The following PCDH11X variants were observed in gnomAD, a reference collection of about 807,000 sequenced individuals.
PCDH11X encodes the protein protocadherin-11 X-linked.
PCDH11X carries 18 observed loss-of-function variants against 53.3 expected under a neutral mutation model. That is an observed-to-expected ratio of 0.34 (90% CI 0.23 to 0.50). The LOEUF is 0.50. Among genes scored for constraint, PCDH11X ranks in the 20% least tolerant of loss-of-function variants. PCDH11X has a pLI of 0.98. For synonymous variants in PCDH11X, 279 were observed against 393.3 expected (o/e 0.71, Z 3.44); for missense variants, 570 against 1,032.4 (o/e 0.55, Z 6.14).
chrX:91,953,158 A>G (rs760649792), intron 6 of PCDH11X, among the ~76,000 whole-genome samples: 9 of 110,037 alleles, frequency 8.2e-5, no homozygotes, highest in African/African-American at 2.7e-4. Flanking sequence ...ACTATAGTCA[A>G]TAATAATTAT....
chrX:92,230,760 G>A (rs2067061818), intron 7 of PCDH11X, among the ~76,000 whole-genome samples: 1 of 107,039 alleles, frequency 9.3e-6, no homozygotes, highest in Admixed American at 1.1e-4. Context: ...AAAAGACCAC[G>A]GAAAGAGGTT....
chrX:92,184,306 C>T (rs1285528610), intron 6 of PCDH11X, among the ~76,000 whole-genome samples: 1 of 111,970 alleles, frequency 8.9e-6, no homozygotes, highest in Non-Finnish European at 1.9e-5. Context: ...CATTTCAAGA[C>T]TGTGGTTGCA....
intron 9 of PCDH11X, among the ~76,000 whole-genome samples, chrX:92,453,512 G>A (rs774592851): frequency 9.0e-5 from 10 of 110,771 alleles, no homozygotes; most frequent in South Asian, 3.8e-4. Context: ...TTTGACACAA[G>A]AAATGCTATC....
At chrX:92,332,727 CAGCAGCAGCAGCAGCAAT>C (rs1286225533) in intron 8 of PCDH11X, among the ~76,000 whole-genome samples, 3 of 111,427 alleles carry the variant, frequency 2.7e-5, no homozygotes, top group East Asian at 5.7e-4. Flanking sequence ...AAAACAGCAG[CAGCAGCAGCAGCAGCAAT>C]AGCAGCAGCA....
intron 5 of PCDH11X, among the ~76,000 whole-genome samples, chrX:91,866,637 CT>C (rs1363626135): frequency 2.6e-4 from 27 of 105,826 alleles, no homozygotes; most frequent in East Asian, 2.1e-3. Flanking sequence ...GGTGATTCAA[CT>C]TTTTTTTTTT....
At chrX:92,551,889 T>G (rs930002467) in intron 10 of PCDH11X, among the ~76,000 whole-genome samples, 4 of 105,454 alleles carry the variant, frequency 3.8e-5, no homozygotes, top group African/African-American at 1.4e-4. Flanking sequence ...GGTTCTCTAT[T>G]CTGTTCCATT....
In PCDH11X at chrX:91,790,910, T is replaced by A. The variant is rs1602819200; in HGVS notation, c.-379+11226T>A. On this transcript the variant is annotated intron_variant, in intron 1 of 10. Coordinates refer to ENST00000682573, the MANE Select transcript of PCDH11X (RefSeq NM_032968.5). ...GTTCTAGCAGGGTTAGGAAAACAAC[T>A]GAAAGTTTTCACTTCAGCGTTGGAA... Among the ~76,000 whole-genome samples, 3 of 107,194 alleles carry A rather than the reference T, an allele frequency of 2.8e-5. No homozygotes were observed. The South Asian group carries it at 1.3e-3, about 46-fold the overall frequency. The allele number at this position is 107,194 out of a possible 115,157, so 93.1% of individuals were successfully genotyped here.
chrX:91,884,019 G>A lies in PCDH11X; in HGVS notation c.3033+4746G>A, dbSNP rs192054902. The stretch of plus-strand genomic sequence containing the variant: ...AGTCTGGCCAACATGGCGAAACCCC[G>A]TCTCTTCTGAAAAATACAAAAATTA... On this transcript the variant is annotated intron_variant, in intron 6 of 10. Transcript: ENST00000682573. The A allele has an allele frequency of 3.5e-3, 1,521 of 428,574 alleles. 21 individuals carry two copies. Among genetic ancestry groups the A allele is most frequent in the African/African-American group, 0.035 (1,190 of 33,878 alleles). 35.3% of individuals were successfully genotyped at this position (428,574 alleles called of 1,213,427 possible).
chrX:92,435,829 A>T (rs1216839708), intron 9 of PCDH11X, among the ~76,000 whole-genome samples: 1 of 111,303 alleles, frequency 9.0e-6, no homozygotes, highest in Admixed American at 9.6e-5. Context: ...AGCCTATATA[A>T]AAACACACTT....
intron 6 of PCDH11X, among the ~76,000 whole-genome samples, chrX:92,038,380 A>G (rs915528469): frequency 6.3e-5 from 7 of 110,444 alleles, no homozygotes; most frequent in Non-Finnish European, 1.3e-4. Context: ...AGCTCCAGCC[A>G]TGGCTGAAAA....
At chrX:92,119,200 G>A (rs1383040461) in intron 6 of PCDH11X, among the ~76,000 whole-genome samples, 1 of 110,172 alleles carries the variant, frequency 9.1e-6, no homozygotes, top group Non-Finnish European at 1.9e-5. Flanking sequence ...CCACATCCCA[G>A]GCTCAAGCAA....
At chrX:92,161,294 C>T (rs1362406855) in intron 6 of PCDH11X, among the ~76,000 whole-genome samples, 1 of 111,642 alleles carries the variant, frequency 9.0e-6, no homozygotes, top group African/African-American at 3.2e-5. Context: ...TTGCTGGATA[C>T]AAAACTTTTG....
intron 7 of PCDH11X, among the ~76,000 whole-genome samples, chrX:92,214,545 T>A (rs2066653086): frequency 8.9e-6 from 1 of 111,916 alleles, no homozygotes; most frequent in Non-Finnish European, 1.9e-5. Context: ...CACAATAAAG[T>A]TTCTAAAGTG....
intron 7 of PCDH11X, among the ~76,000 whole-genome samples, chrX:92,242,872 C>T (rs1017349925): frequency 9.0e-6 from 1 of 111,363 alleles, no homozygotes; most frequent in African/African-American, 3.3e-5. Context: ...CTCTGCTGAA[C>T]ATCTTTTCTT....
At chrX:92,311,181 A>G (rs2068942057) in intron 8 of PCDH11X, among the ~76,000 whole-genome samples, 1 of 110,286 alleles carries the variant, frequency 9.1e-6, no homozygotes, top group African/African-American at 3.3e-5. Flanking sequence ...GAAATAATGC[A>G]TAAAACTCAC....
intron 6 of PCDH11X, among the ~76,000 whole-genome samples, chrX:91,944,023 T>G (rs1466190436): frequency 7.8e-5 from 5 of 63,947 alleles, no homozygotes; most frequent in Non-Finnish European, 1.2e-4. Flanking sequence ...ATCTCCTGGA[T>G]TGTGTGTGTG....
intron 6 of PCDH11X, among the ~76,000 whole-genome samples, chrX:92,121,163 C>CTT (rs757267187): frequency 1.9e-5 from 2 of 103,819 alleles, no homozygotes; most frequent in African/African-American, 3.5e-5. Flanking sequence ...TGTCTTTTTT[C>CTT]TTTTTTTTTT....
chrX:92,417,700 G>A (rs1203516196), intron 9 of PCDH11X, among the ~76,000 whole-genome samples: 2 of 110,379 alleles, frequency 1.8e-5, no homozygotes, highest in Non-Finnish European at 3.8e-5. Flanking sequence ...AACTGTTACA[G>A]GCTATGAATA....
chrX:92,370,700 C>T (rs1162167001), intron 8 of PCDH11X, among the ~76,000 whole-genome samples: 7 of 110,984 alleles, frequency 6.3e-5, no homozygotes, highest in Admixed American at 3.8e-4. Flanking sequence ...CCTCGTGATC[C>T]GCCCGCCTCA....
Sources: gnomAD v4.1 joint callset for allele counts (sites outside exome capture counted in the v4.1 genomes callset) on GRCh38, gnomAD v4.1.1 for gene constraint, MANE v1.5 for transcripts, NCBI Gene and HGNC (gene_info 2026-07-23, HGNC 2026-07-21) for gene names.